Variants in ZC3H3 observed in about 807,000 individuals in gnomAD.
ZC3H3 encodes the protein zinc finger CCCH domain-containing protein 3.
Under a neutral mutation model 77.3 loss-of-function variants are expected in ZC3H3, and 36 were observed. The ratio of observed to expected loss-of-function variants is 0.47; its 90% CI spans 0.36 to 0.61. The LOEUF is 0.61. Ranked by LOEUF, ZC3H3 falls within the 20% of genes least tolerant of loss-of-function variation. The pLI is 0.00. For missense variants in ZC3H3, 1,331 were observed against 1,312.2 expected (o/e 1.01, Z -0.22); for synonymous variants, 626 against 555.2 (o/e 1.13, Z -1.79).
intron 4 of ZC3H3, among the ~76,000 whole-genome samples, chr8:143,477,142 G>A (rs1201615636): frequency 6.6e-6 from 1 of 152,248 alleles, no homozygotes; most frequent in Non-Finnish European, 1.5e-5. Context: ...CTGCAAGCTG[G>A]GGTAATTCTC....
intron 3 of ZC3H3, among the ~76,000 whole-genome samples, chr8:143,532,070 G>T (rs1411193304): frequency 6.6e-6 from 1 of 152,232 alleles, no homozygotes; most frequent in Non-Finnish European, 1.5e-5. Flanking sequence ...TAGCCTTTTG[G>T]TTATTTAAAA....
chr8:143,440,736 T>C (rs185936617), intron 10 of ZC3H3, among the ~76,000 whole-genome samples, 200 bp downstream of exon 10: 191 of 152,330 alleles, frequency 1.3e-3, no homozygotes, highest in African/African-American at 4.4e-3. Context: ...AGGGATGCCC[T>C]TGGCTCTGTC....
intron 9 of ZC3H3, among the ~76,000 whole-genome samples, chr8:143,442,433 G>GGT (rs1491276227): frequency 8.8e-4 from 1 of 1,140 alleles, no homozygotes; most frequent in East Asian, 9.8e-3. Context: ...CAAGGCCTCC[G>GGT]GGGGGGGGGG....
chr8:143,513,284 G>C (rs1003659635), intron 3 of ZC3H3, among the ~76,000 whole-genome samples: 10 of 152,106 alleles, frequency 6.6e-5, no homozygotes, highest in African/African-American at 2.4e-4. Context: ...TCCCAGCTTG[G>C]CTAGGAGACT....
chr8:143,480,365 G>A (rs1294927141), intron 4 of ZC3H3, among the ~76,000 whole-genome samples: 1 of 152,214 alleles, frequency 6.6e-6, no homozygotes, highest in Non-Finnish European at 1.5e-5. Flanking sequence ...GGACTCTGAG[G>A]ACCAACCCTG....
At chr8:143,454,396 T>G (rs927494362) in intron 9 of ZC3H3, among the ~76,000 whole-genome samples, 2 of 151,100 alleles carry the variant, frequency 1.3e-5, no homozygotes, top group Non-Finnish European at 2.9e-5. Flanking sequence ...TGGCCAACAA[T>G]TCATAATTTT....
rs1051460584 is a variant in ZC3H3, at chr8:143,530,477, C to T, written c.1561+5780G>A. 1.3e-5 allele frequency among the ~76,000 whole-genome samples: 2 copies of T among 152,162 alleles called. No individual in the cohort carries two copies. The highest frequency in any genetic ancestry group is 2.9e-5 in the Non-Finnish European group (2 of 68,026). On this transcript the variant is annotated intron_variant, in intron 3 of 11. Coordinates refer to ENST00000262577, the MANE Select transcript of ZC3H3 (RefSeq NM_015117.3). The surrounding 1 kb of genome is among the most constrained non-coding windows in gnomAD (Gnocchi z 4.3). ...ACGTTTCCATGTGGCTGGTAGGAAT[C>T]CCATCACCTCCCGCCACCAAGAAGC...
At chr8:143,532,142 G>A (rs1822632032) in intron 3 of ZC3H3, among the ~76,000 whole-genome samples, 1 of 152,274 alleles carries the variant, frequency 6.6e-6, no homozygotes, top group Non-Finnish European at 1.5e-5. Context: ...AATGAACAGG[G>A]GAGTTTCGAT....
intron 4 of ZC3H3, among the ~76,000 whole-genome samples, chr8:143,488,799 T>C (rs1015688676): frequency 1.3e-5 from 2 of 151,976 alleles, no homozygotes; most frequent in African/African-American, 4.8e-5. Flanking sequence ...GCGAGGAAAA[T>C]GACAAAAAGG....
At chr8:143,461,656 T>G (rs192538908) in intron 9 of ZC3H3, among the ~76,000 whole-genome samples, 2 of 151,994 alleles carry the variant, frequency 1.3e-5, no homozygotes, top group Non-Finnish European at 2.9e-5. Flanking sequence ...GACTCTGTAA[T>G]AAAAACGGGT....
chr8:143,491,578 C>T (rs1245505047), intron 4 of ZC3H3, among the ~76,000 whole-genome samples: 1 of 152,256 alleles, frequency 6.6e-6, no homozygotes, highest in Non-Finnish European at 1.5e-5. Flanking sequence ...GGCACATGCC[C>T]CATCACCAGC....
chr8:143,526,404 C>G (rs1226578767), intron 3 of ZC3H3, among the ~76,000 whole-genome samples: 1 of 152,260 alleles, frequency 6.6e-6, no homozygotes, highest in East Asian at 1.9e-4. Flanking sequence ...CTTCCTCTCC[C>G]AGTCCTGCTG....
At chr8:143,529,076 G>A (rs573744932) in intron 3 of ZC3H3, among the ~76,000 whole-genome samples, 145 of 152,358 alleles carry the variant, frequency 9.5e-4, no homozygotes, top group South Asian at 1.9e-3. Context: ...ACAGACTCCC[G>A]AATGAGGGGA....
At chr8:143,527,086 G>A (rs1352215589) in intron 3 of ZC3H3, among the ~76,000 whole-genome samples, 1 of 152,202 alleles carries the variant, frequency 6.6e-6, no homozygotes, top group Non-Finnish European at 1.5e-5. Flanking sequence ...CGCCACCCGA[G>A]CACTTGGCAA....
chr8:143,514,552 G>A (rs28569868), intron 3 of ZC3H3, among the ~76,000 whole-genome samples: 49,389 of 152,194 alleles, frequency 0.32, 8,612 homozygotes, highest in East Asian at 0.56. Context: ...GTGAGCACAC[G>A]TGCATGGTCA....
intron 4 of ZC3H3, among the ~76,000 whole-genome samples, chr8:143,499,400 G>GC (rs1821457615): frequency 6.7e-6 from 1 of 149,698 alleles, no homozygotes; most frequent in Non-Finnish European, 1.5e-5. Context: ...AGGGCTCCCC[G>GC]CCCCCTCTGT....
chr8:143,469,177 T>G (rs770008927), intron 5 of ZC3H3, among the ~76,000 whole-genome samples: 2 of 152,216 alleles, frequency 1.3e-5, no homozygotes, highest in East Asian at 1.9e-4. Context: ...GAAGCTGCCC[T>G]GTAAACAGAA....
chr8:143,496,488 G>A (rs1039292474), intron 4 of ZC3H3, among the ~76,000 whole-genome samples: 7 of 152,188 alleles, frequency 4.6e-5, no homozygotes, highest in Admixed American at 2.6e-4. Context: ...CCAAGGCTGG[G>A]ACCACCTGAG....
intron 4 of ZC3H3, among the ~76,000 whole-genome samples, chr8:143,498,659 A>C (rs971889779): frequency 6.7e-6 from 1 of 148,672 alleles, no homozygotes; most frequent in African/African-American, 2.5e-5. Context: ...TGGCCCCCAC[A>C]CTGCTGTGTG....
Sources: gnomAD v4.1 joint callset for allele counts (sites outside exome capture counted in the v4.1 genomes callset) on GRCh38, gnomAD v4.1.1 for gene constraint, Gnocchi (gnomAD v3.1) non-coding constraint, MANE v1.5 for transcripts, NCBI Gene and HGNC (gene_info 2026-07-23, HGNC 2026-07-21) for gene names.